TTBK2: variants seen among roughly 807,000 people sequenced by gnomAD.
The protein encoded by TTBK2 is tau-tubulin kinase 2.
TTBK2 carries 28 observed loss-of-function variants against 110.8 expected under a neutral mutation model. The observed-to-expected ratio is 0.25, with a 90% CI of 0.19 to 0.35. The LOEUF is 0.35. Ranked by LOEUF, TTBK2 falls within the 10% of genes least tolerant of loss-of-function variation. TTBK2 has a pLI of 1.00. For synonymous variants in TTBK2, 532 were observed against 527.3 expected, an observed-to-expected ratio of 1.01 and a Z score of -0.12; for missense variants, 1,369 against 1,500.3, an observed-to-expected ratio of 0.91 and a Z score of 1.45.
At chr15:42,822,910 T>C (rs1892365192) in intron 6 of TTBK2, among the ~76,000 whole-genome samples, 1 of 152,166 alleles carries the variant, frequency 6.6e-6, no homozygotes, top group Non-Finnish European at 1.5e-5. Flanking sequence ...AGAGATGGGA[T>C]GAACTCCTAG....
chr15:42,754,351 G>C (rs576244983), intron 13 of TTBK2, among the ~76,000 whole-genome samples: 1 of 152,110 alleles, frequency 6.6e-6, no homozygotes, highest in East Asian at 1.9e-4. Flanking sequence ...AAAGAGCTTG[G>C]ATTAAAGGTG....
chr15:42,774,112 T>A (rs1340517139), intron 13 of TTBK2, among the ~76,000 whole-genome samples: 1 of 152,244 alleles, frequency 6.6e-6, no homozygotes, highest in Non-Finnish European at 1.5e-5. Flanking sequence ...CTCAGAACTG[T>A]ACACAAAATG....
intron 1 of TTBK2, among the ~76,000 whole-genome samples, chr15:42,906,390 T>A (rs2030399657): frequency 1.3e-5 from 2 of 152,200 alleles, no homozygotes; most frequent in South Asian, 4.1e-4. Context: ...TATAAAAATA[T>A]TTTTGTCAGC....
At chr15:42,835,933 A>C (rs1892968153) in intron 4 of TTBK2, among the ~76,000 whole-genome samples, 1 of 152,144 alleles carries the variant, frequency 6.6e-6, no homozygotes, top group Non-Finnish European at 1.5e-5. Context: ...TGTATGTTTA[A>C]TTTTTCCCAT....
intron 10 of TTBK2, among the ~76,000 whole-genome samples, chr15:42,791,209 G>A (rs918441091): frequency 6.6e-5 from 10 of 152,142 alleles, no homozygotes; most frequent in Middle Eastern, 3.4e-3. Flanking sequence ...CAGTAGAAAC[G>A]GGGTTTCACC....
intron 3 of TTBK2, among the ~76,000 whole-genome samples, chr15:42,857,790 C>T (rs1894002741): frequency 6.6e-6 from 1 of 151,530 alleles, no homozygotes; most frequent in South Asian, 2.1e-4. Flanking sequence ...CTAGTAAGTA[C>T]AAGTTAATGG....
At chr15:42,887,021 GGTAA>G (rs1280275367) in intron 1 of TTBK2, among the ~76,000 whole-genome samples, 1 of 152,142 alleles carries the variant, frequency 6.6e-6, no homozygotes, top group Non-Finnish European at 1.5e-5. Context: ...TACAATGGAG[GGTAA>G]GTCCGTCCCC....
intron 13 of TTBK2, among the ~76,000 whole-genome samples, chr15:42,761,410 T>C (rs143385194): frequency 1.6e-3 from 244 of 151,602 alleles, no homozygotes; most frequent in Middle Eastern, 6.8e-3. Context: ...GGAGAAAATA[T>C]CTACAAACTA....
intron 1 of TTBK2, among the ~76,000 whole-genome samples, chr15:42,916,350 C>T (rs956400808): frequency 6.6e-6 from 1 of 152,072 alleles, no homozygotes; most frequent in African/African-American, 2.4e-5. Context: ...GTTTTTGATA[C>T]AGAGTTTCAC....
At chr15:42,763,489 C>T in intron 13 of TTBK2, among the ~76,000 whole-genome samples, 1 of 151,482 alleles carries the variant, frequency 6.6e-6, no homozygotes, top group Non-Finnish European at 1.5e-5. Context: ...GCTGGGATTA[C>T]AGGCATGAGC....
intron 11 of TTBK2, among the ~76,000 whole-genome samples, chr15:42,777,730 G>GTTA (rs1314472291): frequency 6.6e-6 from 1 of 152,226 alleles, no homozygotes; most frequent in Non-Finnish European, 1.5e-5. Flanking sequence ...CTGAGGCAGA[G>GTTA]GAGAAGGAGG....
chr15:42,792,773 T>C (rs1890752758), intron 10 of TTBK2, among the ~76,000 whole-genome samples: 1 of 152,162 alleles, frequency 6.6e-6, no homozygotes, highest in Admixed American at 6.5e-5. Context: ...TTCTCTCTTT[T>C]TATTTACAGT....
intron 10 of TTBK2, among the ~76,000 whole-genome samples, chr15:42,794,028 G>A (rs1890819122): frequency 1.4e-5 from 2 of 148,018 alleles, no homozygotes; most frequent in African/African-American, 2.5e-5. Context: ...TGATCCTTCT[G>A]CCTCAGCATT....
chr15:42,833,238 C>A (rs1595962565), intron 4 of TTBK2, among the ~76,000 whole-genome samples: 9 of 102,828 alleles, frequency 8.8e-5, no homozygotes, highest in Non-Finnish European at 1.3e-4. Context: ...CACAAGCCAC[C>A]AAATTTTGTA....
chr15:42,807,591 T>TTGTTG (rs1555426568), intron 9 of TTBK2, among the ~76,000 whole-genome samples: 9,844 of 150,712 alleles, frequency 0.065, 928 homozygotes, highest in African/African-American at 0.2. Context: ...TTTGTTGTTT[T>TTGTTG]TTGTTGTTGT....
At chr15:42,911,133 G>A (rs1250677195) in intron 1 of TTBK2, among the ~76,000 whole-genome samples, 2 of 152,006 alleles carry the variant, frequency 1.3e-5, no homozygotes, top group East Asian at 3.8e-4. Context: ...TGAACGGGGA[G>A]GTTAATACTA....
At position 42,827,951 on chromosome 15, in the gene TTBK2, T is replaced by A. The variant is rs755959744; in HGVS notation, c.514A>T (p.Asn172Tyr). Residue 172 changes from asparagine (N) to tyrosine (Y), a missense_variant, in exon 6 of 15, where the codon AAT becomes TAT. This residue lies in a region of TTBK2 where 138 missense variants were observed against 179.0 expected (regional missense o/e 0.77). Transcript: ENST00000267890. Reference protein sequence around the residue: ...LDFGLARQFTNSCGDVRPPRA... With the variant: ...LDFGLARQFTYSCGDVRPPRA... The stretch of plus-strand genomic sequence containing the variant: ...ACTGGTCTGACGTCACCACAGGAAT[T>A]GGTAAATTGTCGAGCCAAGCCAAAA... 4 of 1,613,586 alleles carry A rather than the reference T, an allele frequency of 2.5e-6. No individual in the cohort carries two copies.
At chr15:42,747,059 G>A (rs2061803105) in intron 14 of TTBK2, among the ~76,000 whole-genome samples, 1 of 151,740 alleles carries the variant, frequency 6.6e-6, no homozygotes. Flanking sequence ...CGACCTCCTG[G>A]GCTCATGCAA....
chr15:42,837,943 C>A (rs1021177832), intron 4 of TTBK2, among the ~76,000 whole-genome samples: 2 of 151,742 alleles, frequency 1.3e-5, no homozygotes, highest in Non-Finnish European at 2.9e-5. Context: ...CGCGGTGGCT[C>A]ACACCTGTAA....
Sources: gnomAD v4.1 joint callset for allele counts (sites outside exome capture counted in the v4.1 genomes callset) on GRCh38, gnomAD v4.1.1 for gene constraint, gnomAD v4.1.1 regional missense constraint, MANE v1.5 for transcripts, NCBI Gene and HGNC (gene_info 2026-07-23, HGNC 2026-07-21) for gene names.